Variants in GPR149 observed in about 807,000 individuals in gnomAD.
GPR149 encodes the protein probable G protein-coupled receptor 149.
A neutral mutation model predicts 50.2 loss-of-function variants in GPR149; 50 were observed. The observed-to-expected ratio is 1.00, with a 90% confidence interval of 0.79 to 1.26. The LOEUF (loss-of-function observed/expected upper bound fraction) is 1.26. Ranked by LOEUF, GPR149 falls within the 50% of genes most tolerant of loss-of-function variation. GPR149 has a pLI of 0.00. For missense variants in GPR149, 983 were observed against 895.4 expected (o/e 1.10, Z -1.25); for synonymous variants, 405 against 358.2 (o/e 1.13, Z -1.48).
chr3:154,353,695 C>T (rs1369212871), intron 3 of GPR149: 4 of 1,262,072 alleles, frequency 3.2e-6, no homozygotes, highest in Admixed American at 3.7e-5. Context: ...AAAACAAGTA[C>T]CTTTGTTGAG....
chr3:154,424,806 G>A (rs1344542672), intron 2 of GPR149, among the ~76,000 whole-genome samples: 1 of 151,228 alleles, frequency 6.6e-6, no homozygotes, highest in African/African-American at 2.4e-5. Flanking sequence ...AATTTTAGAT[G>A]TGAGTAATTA....
At chr3:154,386,312 A>T (rs984756363) in intron 3 of GPR149, among the ~76,000 whole-genome samples, 9 of 152,186 alleles carry the variant, frequency 5.9e-5, no homozygotes, top group African/African-American at 1.4e-4. Context: ...AATTGCAAAG[A>T]GCTACACATC....
intron 3 of GPR149, chr3:154,352,318 G>A (rs1192482056): frequency 1.0e-5 from 10 of 968,064 alleles, no homozygotes; most frequent in Middle Eastern, 2.3e-4. Flanking sequence ...CCATTCCTCC[G>A]TTGGGGATTA....
chr3:154,345,164 A>T (rs142691363), intron 3 of GPR149, among the ~76,000 whole-genome samples: 1 of 152,302 alleles, frequency 6.6e-6, no homozygotes, highest in African/African-American at 2.4e-5. Context: ...AGTGTGCATA[A>T]ATTGGCAACA....
intron 3 of GPR149, among the ~76,000 whole-genome samples, chr3:154,397,661 C>T (rs137971963): frequency 2.4e-4 from 37 of 152,094 alleles, no homozygotes; most frequent in South Asian, 4.1e-4. Context: ...CCTAATTTGT[C>T]GCATTTTCTG....
At chr3:154,393,447 A>G (rs1310724964) in intron 3 of GPR149, among the ~76,000 whole-genome samples, 2 of 152,064 alleles carry the variant, frequency 1.3e-5, no homozygotes, top group African/African-American at 2.4e-5. Flanking sequence ...AAAGCCATAC[A>G]TGAGATTATC....
In GPR149 at chr3:154,337,578, T is replaced by G; in HGVS notation, c.*121A>C. 2.5e-6 allele frequency: 2 copies of G among 799,060 alleles called. No individual in the cohort carries two copies. Among genetic ancestry groups the G allele is most frequent in the East Asian group, 2.5e-5 (1 of 40,166 alleles). 49.5% of individuals were successfully genotyped at this position (799,060 alleles called of 1,614,324 possible). On this transcript the variant is annotated 3_prime_UTR_variant, in exon 4 of 4. Transcript: ENST00000389740. ...CAGTTGTTCCCACAAAAAAATTAACTATTAAATCAGTAAAACTAATGTAAG... is the reference window on the plus strand; with the variant it reads ...CAGTTGTTCCCACAAAAAAATTAACGATTAAATCAGTAAAACTAATGTAAG...
rs1712421137 is a variant in GPR149 at position 154,429,417 on chromosome 3, C to T, written c.199G>A (p.Val67Met). 2 of 1,614,166 alleles carry T rather than the reference C, an allele frequency of 1.2e-6. No homozygotes were observed. The highest frequency in any genetic ancestry group is 1.7e-6 in the Non-Finnish European group (2 of 1,180,024). ...GACCAGGAAGCCACAAGCATGGACA[C>T]AACAGTTCTGTTCTGCATTTTCAGC... is the stretch of plus-strand genomic sequence containing the variant. ...SLLKMQNRTV[V>M]SMLVASWSVD... is the part of the protein sequence containing the mutation. The change falls in exon 1 of 4, where the codon GTG (valine) becomes ATG (methionine). Residue 67 changes from valine (V) to methionine (M), a missense_variant. Coordinates refer to ENST00000389740, the MANE Select transcript of GPR149 (RefSeq NM_001038705.3).
chr3:154,406,615 T>G (rs557365626), intron 3 of GPR149, among the ~76,000 whole-genome samples: 101 of 152,308 alleles, frequency 6.6e-4, no homozygotes, highest in Non-Finnish European at 1.2e-3. Flanking sequence ...CAGTATTTAT[T>G]GTTAAGGAAA....
intron 3 of GPR149, among the ~76,000 whole-genome samples, chr3:154,339,903 C>T (rs1323014737): frequency 2.7e-5 from 4 of 150,328 alleles, no homozygotes; most frequent in African/African-American, 9.8e-5. Flanking sequence ...CATTCTCCTG[C>T]CTCAGCCTCC....
chr3:154,417,432 A>G (rs1391510627), intron 3 of GPR149, among the ~76,000 whole-genome samples: 1 of 152,038 alleles, frequency 6.6e-6, no homozygotes, highest in African/African-American at 2.4e-5. Context: ...ACTTCCAAGA[A>G]AATATTCTGA....
In GPR149 at chr3:154,428,832, G is replaced by T; in HGVS notation, c.784C>A (p.Arg262=). 1 of 1,613,676 alleles carries T rather than the reference G, an allele frequency of 6.2e-7. No homozygotes were observed. The highest frequency in any genetic ancestry group is 8.5e-7 in the Non-Finnish European group (1 of 1,179,908). ...CTCGGAGAGCATCCCCCAGAGCGCC[G>T]CAGACTCGGGCCTGGAGCATCCTCT... is the stretch of plus-strand genomic sequence containing the variant. ...SPEDAPGPSL[R]RSGGCSPSSD... is the part of the protein sequence containing the mutation. The change falls in exon 1 of 4, where the codon CGG becomes AGG. Residue 262 remains arginine, a synonymous_variant. Coordinates refer to ENST00000389740, the MANE Select transcript of GPR149 (RefSeq NM_001038705.3).
At chr3:154,345,337 T>G (rs1352658107) in intron 3 of GPR149, among the ~76,000 whole-genome samples, 1 of 152,236 alleles carries the variant, frequency 6.6e-6, no homozygotes, top group Non-Finnish European at 1.5e-5. Context: ...TAGATTGTTT[T>G]TATGAAAATA....
intron 3 of GPR149, among the ~76,000 whole-genome samples, chr3:154,371,691 AT>A (rs1263147940): frequency 6.6e-6 from 1 of 152,194 alleles, no homozygotes; most frequent in Non-Finnish European, 1.5e-5. Context: ...GAATGTTGCT[AT>A]TTTGTTAACC....
chr3:154,388,527 T>C (rs2108410776), intron 3 of GPR149, among the ~76,000 whole-genome samples: 1 of 152,276 alleles, frequency 6.6e-6, no homozygotes, highest in East Asian at 1.9e-4. Flanking sequence ...GAGCCTCCAA[T>C]TGTGCTTTTA....
At chr3:154,361,132 T>C (rs1714369826) in intron 3 of GPR149, among the ~76,000 whole-genome samples, 2 of 152,192 alleles carry the variant, frequency 1.3e-5, no homozygotes, top group Admixed American at 6.5e-5. Flanking sequence ...AGCAATTCTT[T>C]TTAAAATACA....
chr3:154,387,073 A>G (rs1481112245), intron 3 of GPR149, among the ~76,000 whole-genome samples: 4 of 152,190 alleles, frequency 2.6e-5, no homozygotes, highest in Non-Finnish European at 5.9e-5. Flanking sequence ...ATATAAAACA[A>G]TACCTATCAT....
chr3:154,404,832 A>T (rs1274834385), intron 3 of GPR149, among the ~76,000 whole-genome samples: 1 of 150,962 alleles, frequency 6.6e-6, no homozygotes, highest in Non-Finnish European at 1.5e-5. Context: ...TGTGAAACAT[A>T]GCAAGTATTC....
At chr3:154,392,162 C>A (rs1465166696) in intron 3 of GPR149, among the ~76,000 whole-genome samples, 4 of 151,676 alleles carry the variant, frequency 2.6e-5, no homozygotes, top group African/African-American at 9.7e-5. Flanking sequence ...ATTAATCTAA[C>A]AGATCTATAC....
Sources: allele counts gnomAD v4.1 joint callset (sites outside exome capture counted in the v4.1 genomes callset), GRCh38; gene constraint gnomAD v4.1.1; transcripts MANE v1.5; gene names NCBI Gene and HGNC (gene_info 2026-07-23, HGNC 2026-07-21).